GFPT2: variants seen among roughly 807,000 people sequenced by gnomAD.
GFPT2 encodes the protein glutamine--fructose-6-phosphate transaminase 2.
GFPT2 carries 62 observed loss-of-function variants against 85.6 expected under a neutral mutation model. The observed-to-expected ratio is 0.72, with a 90% CI of 0.59 to 0.90. The LOEUF (loss-of-function observed/expected upper bound fraction) is 0.90. Ranked by LOEUF, GFPT2 falls within the 40% of genes least tolerant of loss-of-function variation. GFPT2 has a pLI of 0.00. For missense variants in GFPT2, 788 were observed against 893.4 expected (o/e 0.88, Z 1.50); for synonymous variants, 368 against 344.5 (o/e 1.07, Z -0.75).
intron 1 of GFPT2, among the ~76,000 whole-genome samples, chr5:180,348,570 G>C (rs555017329): frequency 6.6e-6 from 1 of 152,172 alleles, no homozygotes; most frequent in Non-Finnish European, 1.5e-5. Flanking sequence ...GAGCAGACGC[G>C]GCACCTGGCT....
chr5:180,317,994 C>T (rs959832736), intron 10 of GFPT2, among the ~76,000 whole-genome samples: 2 of 151,618 alleles, frequency 1.3e-5, no homozygotes, highest in African/African-American at 2.4e-5. Context: ...ACTTGTGCGA[C>T]GAGCAAATGA....
In GFPT2 at chr5:180,317,049, C is replaced by T; in HGVS notation, c.968G>A (p.Ser323Asn). 1 of 1,587,350 alleles carries T rather than the reference C, an allele frequency of 6.3e-7. No homozygotes were observed. Among genetic ancestry groups the T allele is most frequent in the Non-Finnish European group, 8.7e-7 (1 of 1,155,488 alleles). ...GAAGATCTCCTTCTGCATAAACGCA[C>T]TGAAGTTACCTGGTCAAATAAACGT... ...ELQQIMKGNF[S>N]AFMQKEIFEQ... Residue 323 changes from serine (S) to asparagine (N), a missense_variant, in exon 11 of 19, where the codon AGT (serine) becomes AAT (asparagine). By Grantham distance (46) the Ser-to-Asn change is conservative (BLOSUM62 1). Coordinates refer to ENST00000253778, the MANE Select transcript of GFPT2 (RefSeq NM_005110.4).
intron 15 of GFPT2, among the ~76,000 whole-genome samples, chr5:180,310,297 T>C (rs1413199170): frequency 6.6e-6 from 1 of 151,660 alleles, no homozygotes. Context: ...GAGATGGGGT[T>C]TCACCATGTT....
At chr5:180,336,923 T>C (rs2303012) in intron 2 of GFPT2, among the ~76,000 whole-genome samples, 23,057 of 152,338 alleles carry the variant, frequency 0.15, 1,902 homozygotes, top group East Asian at 0.19. Flanking sequence ...GCTCCTCGCA[T>C]TGTGATATTT....
rs527936125 is a variant in GFPT2 at position 180,323,548 on chromosome 5, C to G, written c.794+640G>C. On this transcript the variant is annotated intron_variant, in intron 9 of 18. Coordinates refer to ENST00000253778, the MANE Select transcript of GFPT2 (RefSeq NM_005110.4). The surrounding 1 kb of genome is among the most constrained non-coding windows in gnomAD (Gnocchi z 4.0). ...GTTCTCTCTCTCCCTCTCTCTCTCT[C>G]TGTGTGTGTGTGAGTGTGTGTATAA... is the stretch of plus-strand genomic sequence containing the variant. 1.8e-4 allele frequency among the ~76,000 whole-genome samples: 27 copies of G among 151,630 alleles called. No individual in the cohort carries two copies. Among genetic ancestry groups the G allele is most frequent in the East Asian group, 5.8e-4 (3 of 5,176 alleles).
Position 180,316,478 on chromosome 5 carries a change from A to G in GFPT2, c.1153-17T>C, listed in dbSNP as rs1172507290. The G allele has an allele frequency of 6.2e-7, 1 of 1,614,036 alleles. No homozygotes were observed. Among genetic ancestry groups the G allele is most frequent in the Admixed American group, 1.7e-5 (1 of 60,014 alleles). On this transcript the variant is annotated splice_polypyrimidine_tract_variant and intron_variant, in intron 12 of 18. Coordinates refer to ENST00000253778, the MANE Select transcript of GFPT2 (RefSeq NM_005110.4). ...TTGCCGCGTCTGAAGCCAACAAGCA[A>G]GCATGGAGACTAAAGTCAGTCACAG...
chr5:180,321,004 T>A (rs1189011112), intron 9 of GFPT2, among the ~76,000 whole-genome samples: 2 of 152,084 alleles, frequency 1.3e-5, no homozygotes, highest in African/African-American at 4.8e-5. Context: ...TCGTATGCTT[T>A]GTATAAAAGT....
chr5:180,302,796 T>C (rs1763702550), intron 17 of GFPT2, among the ~76,000 whole-genome samples: 1 of 152,158 alleles, frequency 6.6e-6, no homozygotes, highest in Non-Finnish European at 1.5e-5. Context: ...CCTTCCCTGG[T>C]AAGGAGATTG....
intron 1 of GFPT2, chr5:180,352,339 G>GAAAAAAAA: frequency 5.8e-6 from 2 of 344,710 alleles, no homozygotes; most frequent in Non-Finnish European, 1.1e-5. Flanking sequence ...CCTACTCAAG[G>GAAAAAAAA]AAAAAAAAAA....
chr5:180,318,706 T>A lies in GFPT2; in HGVS notation c.958+87A>T. On this transcript the variant is annotated intron_variant, in intron 10 of 18. Coordinates refer to ENST00000253778, the MANE Select transcript of GFPT2 (RefSeq NM_005110.4). This position sits in a 1 kb window ranked among gnomAD's most constrained non-coding sequence, Gnocchi z 4.2. ...CACAGAGGGCAGGAGGGCTGTGGCC[T>A]CTACTAGGACCAGGCAGAGTGTCAG... is the stretch of plus-strand genomic sequence containing the variant. 1 of 1,182,178 alleles carries A rather than the reference T, an allele frequency of 8.5e-7. No homozygotes were observed. The highest frequency in any genetic ancestry group is 1.2e-6 in the Non-Finnish European group (1 of 822,572). The allele number at this position is 1,182,178 out of a possible 1,614,324, so 73.2% of individuals were successfully genotyped here. A position where few individuals can be genotyped will look rare whatever the true frequency, so the allele number is the denominator to read the frequency against.
chr5:180,308,471 C>G (rs1354904093), intron 15 of GFPT2, among the ~76,000 whole-genome samples: 6 of 152,154 alleles, frequency 3.9e-5, no homozygotes. Flanking sequence ...CACATTCAAT[C>G]TGTGGTGATA....
chr5:180,335,824 A>G lies in GFPT2; in HGVS notation c.340+4T>C. On this transcript the variant is annotated splice_donor_region_variant and intron_variant, in intron 4 of 18. Transcript: ENST00000253778. The stretch of plus-strand genomic sequence containing the variant: ...CCATGGGGACGGGGAAGCATGCCAC[A>G]TACCGTTGCCTTTGTCTGAGCGCTG... 3.7e-6 allele frequency: 6 copies of G among 1,602,194 alleles called. No individual in the cohort carries two copies. Among genetic ancestry groups the G allele is most frequent in the Non-Finnish European group, 5.1e-6 (6 of 1,175,784 alleles).
At chr5:180,342,942 A>G (rs960152258) in intron 1 of GFPT2, among the ~76,000 whole-genome samples, 2 of 152,006 alleles carry the variant, frequency 1.3e-5, no homozygotes, top group African/African-American at 2.4e-5. Context: ...AGAAAAAAAC[A>G]ACAACCAGAA....
chr5:180,350,771 A>C (rs527868402), intron 1 of GFPT2, among the ~76,000 whole-genome samples: 63 of 152,366 alleles, frequency 4.1e-4, no homozygotes, highest in African/African-American at 1.4e-3. Context: ...GTTTTTGAGA[A>C]TCATCTGCTG....
chr5:180,304,021 A>G (rs1256365073), intron 17 of GFPT2, among the ~76,000 whole-genome samples: 2 of 152,122 alleles, frequency 1.3e-5, no homozygotes, highest in East Asian at 3.9e-4. Flanking sequence ...GTTTGATCAC[A>G]TGGCCAATGG....
In GFPT2 at chr5:180,316,205, C is replaced by A. The variant is rs540985151; in HGVS notation, c.1273+136G>T. Reference sequence around the variant, plus strand: ...ATGGCGACAGTAATCCATGGCTCTACGGGTTAAATGACCGCTGCAAGAGAG... The same window carrying A: ...ATGGCGACAGTAATCCATGGCTCTAAGGGTTAAATGACCGCTGCAAGAGAG... On this transcript the variant is annotated intron_variant, in intron 13 of 18. Coordinates refer to ENST00000253778, the MANE Select transcript of GFPT2 (RefSeq NM_005110.4). 3.8e-4 allele frequency: 318 copies of A among 827,950 alleles called. 1 individual carries two copies. The African/African-American group carries it at 5.1e-3, about 13-fold the overall frequency. The allele number at this position is 827,950 out of a possible 1,614,324, so 51.3% of individuals were successfully genotyped here.
chr5:180,336,500 C>G lies in GFPT2; in HGVS notation c.193G>C (p.Ala65Pro), dbSNP rs774913698. Residue 65 changes from alanine to proline, a missense_variant, in exon 3 of 19, where the codon GCT becomes CCT. Physicochemically the swap from Ala to Pro is conservative, Grantham distance 27. Coordinates refer to ENST00000253778, the MANE Select transcript of GFPT2 (RefSeq NM_005110.4). ...TTACTGTAAAGTTCTTCATCGAGAG[C>G]CTTGACTTTCCCCCTTTTCTTGACC... The part of the protein sequence containing the change: ...QLVKKRGKVK[A>P]LDEELYKQDS... 1 of 1,604,580 alleles carries G rather than the reference C, an allele frequency of 6.2e-7. No homozygotes were observed. The highest frequency in any genetic ancestry group is 8.5e-7 in the Non-Finnish European group (1 of 1,171,266).
chr5:180,336,291 C>T, intron 3 of GFPT2, 188 bp downstream of exon 3: 1 of 624,546 alleles, frequency 1.6e-6, no homozygotes. Flanking sequence ...TATCCATGCG[C>T]CGCCACCACC....
intron 16 of GFPT2, among the ~76,000 whole-genome samples, 168 bp from the exon 17 acceptor site, chr5:180,305,107 G>A (rs544798462): frequency 5.9e-5 from 9 of 152,212 alleles, no homozygotes; most frequent in African/African-American, 1.9e-4. Context: ...AGGACACCCA[G>A]CAAGGGCCTG....
Sources: gnomAD v4.1 joint callset for allele counts (sites outside exome capture counted in the v4.1 genomes callset) on GRCh38, gnomAD v4.1.1 for gene constraint, Gnocchi (gnomAD v3.1) non-coding constraint, MANE v1.5 for transcripts, NCBI Gene and HGNC (gene_info 2026-07-23, HGNC 2026-07-21) for gene names.